FGFR2: variants seen among roughly 807,000 people sequenced by gnomAD.
FGFR2 encodes the protein BEK fibroblast growth factor receptor.
FGFR2 carries 19 observed loss-of-function variants against 95.9 expected under a neutral mutation model. The ratio of observed to expected loss-of-function variants is 0.20; its 90% CI spans 0.14 to 0.29. The LOEUF is 0.29. FGFR2 is among the 10% of genes least tolerant of loss of function. FGFR2 has a pLI of 1.00. For missense variants in FGFR2, 707 were observed against 1,056.9 expected (o/e 0.67, Z 4.59); for synonymous variants, 392 against 393.3 (o/e 1.00, Z 0.04).
In FGFR2 at chr10:121,500,951, A is replaced by C. The variant is rs754855233; in HGVS notation, c.1440-4T>G. 2.5e-6 allele frequency: 4 copies of C among 1,613,846 alleles called. No homozygotes were observed. In the African/African-American group the frequency reaches 5.3e-5, roughly 22 times the overall value. ...CAGGGGCTTGCCCAGTGTCAGCCTA[A>C]ATGTGTAAATAGGGGATTAGCACAT... On this transcript the variant is annotated splice_region_variant and splice_polypyrimidine_tract_variant and intron_variant, in intron 10 of 17. Coordinates refer to ENST00000358487, the MANE Select transcript of FGFR2 (RefSeq NM_000141.5).
At chr10:121,538,911 A>G (rs545909024) in intron 5 of FGFR2, among the ~76,000 whole-genome samples, 196 bp from the exon 6 acceptor site, 1 of 152,360 alleles carries the variant, frequency 6.6e-6, no homozygotes, top group African/African-American at 2.4e-5. Flanking sequence ...ACACCTGTGA[A>G]GCAAATATTG....
intron 6 of FGFR2, among the ~76,000 whole-genome samples, chr10:121,526,516 T>C (rs1190441306): frequency 1.3e-5 from 2 of 152,216 alleles, no homozygotes; most frequent in Non-Finnish European, 2.9e-5. Context: ...TTCTGAGTTT[T>C]GTTTTGTTTT....
rs1863721343 is a variant in FGFR2 at position 121,598,156 on chromosome 10, G to A, written c.-345C>T. ...GCGGAGGAGCGCGGGCATGACGCCC[G>A]CGGGCTGCCCTCGGATTTGGGGAAC... is the stretch of plus-strand genomic sequence containing the variant. On this transcript the variant is annotated 5_prime_UTR_variant, in exon 1 of 18. Transcript: ENST00000358487. 3 of 398,348 alleles carry A rather than the reference G, an allele frequency of 7.5e-6. No homozygotes were observed. The highest frequency in any genetic ancestry group is 1.3e-5 in the Non-Finnish European group (3 of 225,880). 24.7% of individuals were successfully genotyped at this position (398,348 alleles called of 1,614,324 possible). A position where few individuals can be genotyped will look rare whatever the true frequency, so the allele number is the denominator to read the frequency against.
chr10:121,488,244 T>C, intron 13 of FGFR2, 131 bp from the exon 14 acceptor site: 3 of 1,289,682 alleles, frequency 2.3e-6, no homozygotes, highest in Non-Finnish European at 3.3e-6. Flanking sequence ...CGGTATACTA[T>C]AAGAAATACA....
chr10:121,562,685 G>A (rs1857157907), intron 4 of FGFR2, among the ~76,000 whole-genome samples: 1 of 152,150 alleles, frequency 6.6e-6, no homozygotes, highest in Non-Finnish European at 1.5e-5. Context: ...GCCATGAAAA[G>A]ACATGAGAGA....
At chr10:121,484,363 T>C (rs1845139802) in intron 16 of FGFR2, among the ~76,000 whole-genome samples, 3 of 152,172 alleles carry the variant, frequency 2.0e-5, no homozygotes, top group African/African-American at 4.8e-5. Flanking sequence ...AACTCTTAGA[T>C]AGGCTTAGCT....
At chr10:121,524,426 A>G (rs1851042585) in intron 6 of FGFR2, among the ~76,000 whole-genome samples, 1 of 152,172 alleles carries the variant, frequency 6.6e-6, no homozygotes, top group African/African-American at 2.4e-5. Context: ...ATGTTTTTAA[A>G]AAGTCAGTAG....
intron 5 of FGFR2, among the ~76,000 whole-genome samples, chr10:121,550,495 T>C (rs1564970570): frequency 6.6e-6 from 1 of 152,162 alleles, no homozygotes; most frequent in Non-Finnish European, 1.5e-5. Context: ...GACTAAAATT[T>C]CATGGCATTG....
chr10:121,594,105 T>C, intron 1 of FGFR2, 138 bp from the exon 2 acceptor site: 1 of 532,446 alleles, frequency 1.9e-6, no homozygotes, highest in Non-Finnish European at 3.4e-6. Flanking sequence ...AATCCTTCCA[T>C]CCTCACCTCA....
intron 5 of FGFR2, among the ~76,000 whole-genome samples, chr10:121,550,493 T>C (rs1025791386): frequency 6.6e-6 from 1 of 152,090 alleles, no homozygotes; most frequent in African/African-American, 2.4e-5. Flanking sequence ...GAGACTAAAA[T>C]TTCATGGCAT....
At chr10:121,541,715 C>G (rs1853784509) in intron 5 of FGFR2, among the ~76,000 whole-genome samples, 1 of 152,164 alleles carries the variant, frequency 6.6e-6, no homozygotes. Flanking sequence ...TAATGAGACA[C>G]TGTTATTCAC....
At chr10:121,583,106 T>C (rs1590086324) in intron 2 of FGFR2, among the ~76,000 whole-genome samples, 1 of 152,222 alleles carries the variant, frequency 6.6e-6, no homozygotes, top group East Asian at 1.9e-4. Context: ...CTTTTCATTC[T>C]TGGAATTTTT....
chr10:121,596,323 G>A (rs755948044), intron 1 of FGFR2, among the ~76,000 whole-genome samples: 4 of 152,130 alleles, frequency 2.6e-5, no homozygotes, highest in Admixed American at 6.5e-5. Context: ...GCTGCGGAGC[G>A]GTCCCCATGC....
In FGFR2 at chr10:121,479,544, T is replaced by C; in HGVS notation, c.*313A>G. ...TAAATCTTCTCCAATTATTACAAAA[T>C]TAACAAGGAAGGCAGAACGCACGTC... On this transcript the variant is annotated 3_prime_UTR_variant, in exon 18 of 18. Transcript: ENST00000358487. 2 of 1,510,144 alleles carry C rather than the reference T, an allele frequency of 1.3e-6. No individual in the cohort carries two copies. Among genetic ancestry groups the C allele is most frequent in the Non-Finnish European group, 1.8e-6 (2 of 1,116,568 alleles). 93.5% of individuals were successfully genotyped at this position (1,510,144 alleles called of 1,614,324 possible).
At chr10:121,554,722 T>C (rs1264494925) in intron 4 of FGFR2, among the ~76,000 whole-genome samples, 3 of 152,102 alleles carry the variant, frequency 2.0e-5, no homozygotes, top group Admixed American at 2.0e-4. Context: ...ACTAGCTTTA[T>C]GTGAACCTTG....
rs1289382590 is a variant in FGFR2, at chr10:121,479,627, G to A, written c.*230C>T. The stretch of plus-strand genomic sequence containing the variant: ...GCACGGCAGGTGAGAGGGGTTACAT[G>A]GTGGCTTGTGGCAGTCCACTGCTCC... On this transcript the variant is annotated 3_prime_UTR_variant, in exon 18 of 18. Coordinates refer to ENST00000358487, the MANE Select transcript of FGFR2 (RefSeq NM_000141.5). The A allele has an allele frequency of 6.4e-7, 1 of 1,551,748 alleles. No individual in the cohort carries two copies. Among genetic ancestry groups the A allele is most frequent in the Non-Finnish European group, 8.7e-7 (1 of 1,147,006 alleles).
chr10:121,483,890 G>A (rs1845081214), intron 16 of FGFR2, 87 bp from the exon 17 acceptor site: 7 of 950,806 alleles, frequency 7.4e-6, no homozygotes, highest in Admixed American at 4.0e-5. Flanking sequence ...TGGGGACGTG[G>A]TGTAAATTAG....
intron 4 of FGFR2, among the ~76,000 whole-genome samples, chr10:121,554,566 T>C (rs1328095338): frequency 6.7e-6 from 1 of 148,252 alleles, no homozygotes; most frequent in Admixed American, 6.8e-5. Flanking sequence ...TTAGCCAGGG[T>C]TTCACCGTTT....
At chr10:121,594,470 G>A (rs1279781512) in intron 1 of FGFR2, among the ~76,000 whole-genome samples, 2 of 152,218 alleles carry the variant, frequency 1.3e-5, no homozygotes, top group Non-Finnish European at 2.9e-5. Flanking sequence ...GAGGTGAGCA[G>A]TCTCCCACCC....
Sources: gnomAD v4.1 joint callset for allele counts (sites outside exome capture counted in the v4.1 genomes callset) on GRCh38, gnomAD v4.1.1 for gene constraint, MANE v1.5 for transcripts, NCBI Gene and HGNC (gene_info 2026-07-23, HGNC 2026-07-21) for gene names.